The following TPPP variants were observed in gnomAD, a reference collection of about 807,000 sequenced individuals.
The protein encoded by TPPP is tubulin polymerization-promoting protein.
A neutral mutation model predicts 15.5 loss-of-function variants in TPPP; 6 were observed. The observed-to-expected ratio is 0.39, with a 90% CI of 0.21 to 0.77. TPPP has a LOEUF of 0.77. TPPP is among the 30% of genes least tolerant of loss of function. TPPP has a pLI of 0.42. For synonymous variants in TPPP, 146 were observed against 133.9 expected (o/e 1.09, Z -0.63); for missense variants, 269 against 307.2 (o/e 0.88, Z 0.93).
At chr5:667,987 G>T (rs1175327007) in intron 2 of TPPP, among the ~76,000 whole-genome samples, 6 of 51,082 alleles carry the variant, frequency 1.2e-4, no homozygotes, top group South Asian at 1.3e-3. Context: ...CAGAGAGGGG[G>T]CCGTGTGGGC....
intron 2 of TPPP, 133 bp from the exon 3 acceptor site, chr5:666,256 G>C: frequency 1.0e-6 from 1 of 993,304 alleles, no homozygotes; most frequent in Non-Finnish European, 1.5e-6. Context: ...GGCCGCCCTG[G>C]TAGCACTGCA....
At chr5:693,366 C>G (rs1467651257), upstream of TPPP, 1 of 148,528 alleles carries the variant, frequency 6.7e-6, no homozygotes, top group Non-Finnish European at 1.5e-5. Context: ...GCCGCCGCCC[C>G]GCGCCCGCCC....
In TPPP at chr5:669,076, C is replaced by T. The variant is rs6893815; in HGVS notation, c.312-2953G>A. Among the ~76,000 whole-genome samples, 1,387 of 152,352 alleles carry T rather than the reference C, an allele frequency of 9.1e-3. 27 individuals carry two copies. The highest frequency in any genetic ancestry group is 0.031 in the African/African-American group (1,275 of 41,592). On this transcript the variant is annotated intron_variant, in intron 2 of 3. Coordinates refer to ENST00000360578, the MANE Select transcript of TPPP (RefSeq NM_007030.3). ...CGCGCTGAGAAACACACCAAGTGCT[C>T]GGGGTCCCACAGCTCAGACCCTCAC...
rs554554484 is a variant in TPPP at position 664,199 on chromosome 5, A to C, written c.*903T>G. On this transcript the variant is annotated 3_prime_UTR_variant, in exon 4 of 4. Transcript: ENST00000360578. ...GCGAGCAAACAGGGTGCAGCTAGTG[A>C]GGACGGGCGAACGGGAGGGCCGGGC... 1 of 152,820 alleles carries C rather than the reference A, an allele frequency of 6.5e-6. No homozygotes were observed. The highest frequency in any genetic ancestry group is 2.1e-4 in the South Asian group (1 of 4,844). 9.5% of individuals were successfully genotyped at this position (152,820 alleles called of 1,614,324 possible).
chr5:692,541 G>A lies in TPPP; in HGVS notation c.-5+737C>T, dbSNP rs375940703. On this transcript the variant is annotated intron_variant, in intron 1 of 3. Coordinates refer to ENST00000360578, the MANE Select transcript of TPPP (RefSeq NM_007030.3). Reference sequence around the variant, plus strand: ...CAAAACAGCAGCCCCGCCACTGCCCGGGAGGGACAGGCTTCTCACCTCCCT... The same window carrying A: ...CAAAACAGCAGCCCCGCCACTGCCCAGGAGGGACAGGCTTCTCACCTCCCT... The A allele has an allele frequency of 4.5e-5, 44 of 970,912 alleles. 3 individuals are homozygous for A. The East Asian group carries it at 1.4e-3, about 31-fold the overall frequency. 60.1% of individuals were successfully genotyped at this position (970,912 alleles called of 1,614,324 possible).
chr5:675,754 G>A (rs577272359), intron 2 of TPPP: 1 of 153,114 alleles, frequency 6.5e-6, no homozygotes, highest in East Asian at 1.9e-4. Flanking sequence ...AGGGATGAGT[G>A]GTCCTGGGTT....
intron 2 of TPPP, among the ~76,000 whole-genome samples, chr5:672,041 C>T (rs769897612): frequency 4.6e-5 from 7 of 152,236 alleles, no homozygotes; most frequent in African/African-American, 9.6e-5. Context: ...TGCCCTGTGG[C>T]GGCTGCCCTC....
rs374702072 is a variant in TPPP at position 672,535 on chromosome 5, A to G, written c.311+5215T>C. Among the ~76,000 whole-genome samples the G allele has an allele frequency of 9.8e-5, 15 of 152,350 alleles. No homozygotes were observed. In the South Asian group the frequency reaches 1.7e-3, roughly 17 times the overall value. On this transcript the variant is annotated intron_variant, in intron 2 of 3. Coordinates refer to ENST00000360578, the MANE Select transcript of TPPP (RefSeq NM_007030.3). ...GGCTGGGTGCCCCCACCTGAGCTAG[A>G]TGGACCCATAGGGGGCCAGTGAGCA...
chr5:688,595 G>A (rs1740824384), intron 1 of TPPP, among the ~76,000 whole-genome samples: 1 of 152,012 alleles, frequency 6.6e-6, no homozygotes, highest in South Asian at 2.1e-4. Context: ...AACTGCAGGT[G>A]GACTGTGCCA....
chr5:685,620 G>A (rs1740745677), intron 1 of TPPP, among the ~76,000 whole-genome samples: 1 of 152,226 alleles, frequency 6.6e-6, no homozygotes, highest in Non-Finnish European at 1.5e-5. Context: ...CTCAGAAGAA[G>A]AGAGATGGCT....
At chr5:675,459 AGCACAGGGGGTG>A (rs1358416363) in intron 2 of TPPP, among the ~76,000 whole-genome samples, 5 of 32,434 alleles carry the variant, frequency 1.5e-4, no homozygotes, top group African/African-American at 5.0e-4. Context: ...GCTGGGGTGC[AGCACAGGGGGTG>A]CAGTGTGGCC....
intron 2 of TPPP, among the ~76,000 whole-genome samples, chr5:675,121 A>ACAGTGTGGCCAGGGATG (rs752723107): frequency 0.27 from 6,755 of 24,648 alleles, 789 homozygotes; most frequent in African/African-American, 0.52. Context: ...CACGGGGGGT[A>ACAGTGTGGCCAGGGATG]CAGTGTGGCC....
chr5:662,844 G>A lies in TPPP; in HGVS notation c.*2258C>T, dbSNP rs1006196962. On this transcript the variant is annotated 3_prime_UTR_variant, in exon 4 of 4. Coordinates refer to ENST00000360578, the MANE Select transcript of TPPP (RefSeq NM_007030.3). Reference sequence around the variant, plus strand: ...TTTGGAGTTGTGATGGGCTGTTATCGGGTGATTCCGGTGGCCACTCGTCTG... The same window carrying A: ...TTTGGAGTTGTGATGGGCTGTTATCAGGTGATTCCGGTGGCCACTCGTCTG... 6.6e-6 allele frequency: 1 copy of A among 152,450 alleles called. No individual in the cohort carries two copies. Among genetic ancestry groups the A allele is most frequent in the African/African-American group, 2.4e-5 (1 of 41,460 alleles). 9.4% of individuals were successfully genotyped at this position (152,450 alleles called of 1,614,324 possible). A position where few individuals can be genotyped will look rare whatever the true frequency, so the allele number is the denominator to read the frequency against.
At chr5:665,661 C>T (rs1353736069) in intron 3 of TPPP, among the ~76,000 whole-genome samples, 4 of 139,512 alleles carry the variant, frequency 2.9e-5, no homozygotes, top group African/African-American at 1.1e-4. Flanking sequence ...CCCCCCAGGC[C>T]ACGCCGACCT....
intron 1 of TPPP, among the ~76,000 whole-genome samples, chr5:686,784 T>C (rs991352689): frequency 1.4e-5 from 2 of 145,192 alleles, no homozygotes; most frequent in African/African-American, 5.0e-5. Flanking sequence ...AAATCCACAC[T>C]GGAACCTAAT....
Position 678,577 on chromosome 5 carries a change from G to A in TPPP, c.-4-513C>T, listed in dbSNP as rs989677861. On this transcript the variant is annotated intron_variant, in intron 1 of 3. Coordinates refer to ENST00000360578, the MANE Select transcript of TPPP (RefSeq NM_007030.3). ...GGTCCACAGCAGTCGTGCGACAGCC[G>A]CTCCCTCCCCACTGCAGAGCCTCTG... 1.5e-4 allele frequency among the ~76,000 whole-genome samples: 21 copies of A among 137,946 alleles called. 3 individuals are homozygous for A. Among genetic ancestry groups the A allele is most frequent in the African/African-American group, 7.5e-4 (21 of 28,104 alleles). The allele number at this position is 137,946 out of a possible 152,430, so 90.5% of individuals were successfully genotyped here. A position where few individuals can be genotyped will look rare whatever the true frequency, so the allele number is the denominator to read the frequency against.
At chr5:700,450 G>C in the TPPP span, among the ~76,000 whole-genome samples, 1 of 152,006 alleles carries the variant, frequency 6.6e-6, no homozygotes, top group Non-Finnish European at 1.5e-5. Flanking sequence ...TGGGAGGGTG[G>C]AAGGGGGTGA....
chr5:677,887 A>C lies in TPPP; in HGVS notation c.174T>G (p.Phe58Leu). ...LSALEEAFRR[F>L]AVHGDARATG... ...TGGCCCTGGCGTCCCCGTGCACGGCAAAGCGCCGGAAGGCCTCCTCCAGGG... is the reference window on the plus strand; with the variant it reads ...TGGCCCTGGCGTCCCCGTGCACGGCCAAGCGCCGGAAGGCCTCCTCCAGGG... The change falls in exon 2 of 4, where the codon TTT becomes TTG. Residue 58 changes from phenylalanine (F) to leucine (L), a missense_variant. Transcript: ENST00000360578. 6.2e-7 allele frequency: 1 copy of C among 1,612,674 alleles called. No individual in the cohort carries two copies. Among genetic ancestry groups the C allele is most frequent in the Non-Finnish European group, 8.5e-7 (1 of 1,179,838 alleles).
At chr5:700,359 C>A in the TPPP span, among the ~76,000 whole-genome samples, 1 of 151,978 alleles carries the variant, frequency 6.6e-6, no homozygotes, top group African/African-American at 2.4e-5. Flanking sequence ...ACCACATGTT[C>A]TCAAGTATAA....
Sources: gnomAD v4.1 joint callset for allele counts (sites outside exome capture counted in the v4.1 genomes callset) on GRCh38, gnomAD v4.1.1 for gene constraint, MANE v1.5 for transcripts, NCBI Gene and HGNC (gene_info 2026-07-23, HGNC 2026-07-21) for gene names.